Variants in PAN3 observed in about 807,000 individuals in gnomAD.
PAN3 encodes PAN2-PAN3 deadenylation complex subunit PAN3.
In PAN3, 19 loss-of-function variants were observed where a neutral mutation model predicts 96.2. The ratio of observed to expected loss-of-function variants is 0.20; its 90% CI spans 0.14 to 0.29. The LOEUF (loss-of-function observed/expected upper bound fraction) is 0.29, where lower values mean the gene tolerates loss of function less well. PAN3 is among the 10% of genes least tolerant of loss of function. PAN3 has a pLI of 1.00. For synonymous variants in PAN3, 433 were observed against 406.6 expected, an observed-to-expected ratio of 1.06 and a Z score of -0.78; for missense variants, 882 against 1,108.1, an observed-to-expected ratio of 0.80 and a Z score of 2.90.
intron 9 of PAN3, among the ~76,000 whole-genome samples, chr13:28,264,117 A>G (rs1593593990): frequency 6.6e-6 from 1 of 152,228 alleles, no homozygotes; most frequent in East Asian, 1.9e-4. Flanking sequence ...CCTTAGAAGA[A>G]ATACTTCAAG....
At position 28,260,524 on chromosome 13, in the gene PAN3, C is replaced by T. The variant is rs764424381; in HGVS notation, c.1326C>T (p.Ser442=). The T allele has an allele frequency of 4.3e-6, 7 of 1,612,782 alleles. No homozygotes were observed. Among genetic ancestry groups the T allele is most frequent in the South Asian group, 3.3e-5 (3 of 91,056 alleles). ...AYMQPKANAP[S]FFMADELRQE... is the part of the protein sequence containing the mutation. Reference sequence around the variant, plus strand: ...TGCAACCGAAAGCAAACGCACCTTCCTTCTTCATGGCTGATGAACTCCGAC... The same window carrying T: ...TGCAACCGAAAGCAAACGCACCTTCTTTCTTCATGGCTGATGAACTCCGAC... Residue 442 remains serine, a synonymous_variant, in exon 8 of 19, where the codon TCC becomes TCT. Coordinates refer to ENST00000380958, the MANE Select transcript of PAN3 (RefSeq NM_175854.8).
intron 1 of PAN3, among the ~76,000 whole-genome samples, chr13:28,171,959 G>A (rs534458849): frequency 3.9e-5 from 6 of 152,188 alleles, no homozygotes; most frequent in African/African-American, 1.4e-4. Flanking sequence ...AATTCCGAGG[G>A]ATTTAGGAGG....
At position 28,202,997 on chromosome 13, in the gene PAN3, C is replaced by G. The variant is rs367872989; in HGVS notation, c.852+5651C>G. On this transcript the variant is annotated intron_variant, in intron 5 of 18. Coordinates refer to ENST00000380958, the MANE Select transcript of PAN3 (RefSeq NM_175854.8). ...TTTTCCCCCCAGACAGGGTCTCACT[C>G]TGTTGCCCAGGCTGGAGTGCAGTGG... is the stretch of plus-strand genomic sequence containing the variant. Among the ~76,000 whole-genome samples, 117 of 152,180 alleles carry G rather than the reference C, an allele frequency of 7.7e-4. 2 individuals are homozygous for G. In the East Asian group the frequency reaches 0.021, roughly 28 times the overall value.
Position 28,293,397 on chromosome 13 carries a change from T to TTTTTG in PAN3, c.*879_*880insGTTTT, listed in dbSNP as rs1869997614. On this transcript the variant is annotated 3_prime_UTR_variant, in exon 19 of 19. Transcript: ENST00000380958. ...CTTTCCAGTTTGCTGGTTTTTTTTT[T>TTTTTG]TTTTTTTTTTTTTTTTTTTGGGCGG... The TTTTTG allele has an allele frequency of 7.3e-6, 1 of 136,232 alleles. No homozygotes were observed. The highest frequency in any genetic ancestry group is 1.6e-5 in the Non-Finnish European group (1 of 64,376). The allele number at this position is 136,232 out of a possible 1,614,324, so 8.4% of individuals were successfully genotyped here.
intron 7 of PAN3, among the ~76,000 whole-genome samples, chr13:28,257,277 C>A (rs750121351): frequency 2.0e-5 from 3 of 151,658 alleles, no homozygotes; most frequent in Non-Finnish European, 4.4e-5. Context: ...AGTCAGGGGG[C>A]GAGAATGAAT....
At chr13:28,239,439 C>T (rs1883440224) in intron 6 of PAN3, 1 of 358,626 alleles carries the variant, frequency 2.8e-6, no homozygotes, top group South Asian at 2.2e-5. Flanking sequence ...ATATAGATGC[C>T]TTTGGTTCAT....
At chr13:28,140,544 T>C (rs1869608341) in intron 1 of PAN3, among the ~76,000 whole-genome samples, 1 of 152,124 alleles carries the variant, frequency 6.6e-6, no homozygotes, top group Non-Finnish European at 1.5e-5. Context: ...CCCCGGGGTT[T>C]TGCTTTCTTG....
At chr13:28,171,645 A>G (rs112497157) in intron 1 of PAN3, among the ~76,000 whole-genome samples, 223 of 152,334 alleles carry the variant, frequency 1.5e-3, no homozygotes, top group African/African-American at 5.1e-3. Context: ...ATGAAAAGGT[A>G]GAACAAGGAT....
chr13:28,289,835 T>C (rs1437043891), intron 18 of PAN3, among the ~76,000 whole-genome samples: 1 of 152,116 alleles, frequency 6.6e-6, no homozygotes, highest in East Asian at 1.9e-4. Context: ...TGAGCCGAGA[T>C]TGGGCCACTG....
intron 6 of PAN3, among the ~76,000 whole-genome samples, chr13:28,251,907 A>T (rs1884760401): frequency 1.4e-5 from 2 of 144,976 alleles, no homozygotes; most frequent in Admixed American, 1.4e-4. Context: ...TTTGGTTTTG[A>T]GACAGAGTTT....
intron 1 of PAN3, among the ~76,000 whole-genome samples, chr13:28,158,493 CA>C (rs1872502966): frequency 6.6e-6 from 1 of 151,856 alleles, no homozygotes; most frequent in Non-Finnish European, 1.5e-5. Context: ...AATTAACAAG[CA>C]AAAAACAACT....
chr13:28,236,529 T>C (rs897916053), intron 6 of PAN3, among the ~76,000 whole-genome samples: 4 of 152,240 alleles, frequency 2.6e-5, no homozygotes, highest in Non-Finnish European at 4.4e-5. Flanking sequence ...GAAAAAACTT[T>C]CATGGAAGAA....
rs79215317 is a variant in PAN3, at chr13:28,284,531, G to T, written c.2384+3152G>T. Among the ~76,000 whole-genome samples, 1,046 of 152,106 alleles carry T rather than the reference G, an allele frequency of 6.9e-3. 11 individuals carry two copies. Among genetic ancestry groups the T allele is most frequent in the African/African-American group, 0.024 (1,008 of 41,492 alleles). On this transcript the variant is annotated intron_variant, in intron 17 of 18. Transcript: ENST00000380958. The stretch of plus-strand genomic sequence containing the variant: ...AAGATTATGAAGGAACTATTTCATG[G>T]TTTTTTCCAGAACATTTGTGGTTTC...
At chr13:28,194,464 A>T (rs1351323715) in intron 4 of PAN3, among the ~76,000 whole-genome samples, 55 of 106,656 alleles carry the variant, frequency 5.2e-4, no homozygotes, top group African/African-American at 1.8e-3. Flanking sequence ...ATATATATAT[A>T]TATTTTTTTT....
intron 6 of PAN3, among the ~76,000 whole-genome samples, chr13:28,223,669 AT>A (rs1566202417): frequency 6.6e-6 from 1 of 151,764 alleles, no homozygotes. Flanking sequence ...AGAACCACTG[AT>A]TTAACACAAC....
chr13:28,267,057 C>A, intron 10 of PAN3, 38 bp from the exon 11 acceptor site: 1 of 1,527,468 alleles, frequency 6.5e-7, no homozygotes, highest in South Asian at 1.2e-5. Context: ...AAGGAGACGT[C>A]AATTAGAGTT....
intron 12 of PAN3, among the ~76,000 whole-genome samples, chr13:28,268,103 A>G (rs1886336368): frequency 6.6e-6 from 1 of 152,134 alleles, no homozygotes; most frequent in Non-Finnish European, 1.5e-5. Context: ...GACTTGGAAA[A>G]TTCAATAGCT....
chr13:28,151,246 T>G (rs1014093951), intron 1 of PAN3, among the ~76,000 whole-genome samples: 1 of 152,184 alleles, frequency 6.6e-6, no homozygotes. Context: ...CCAGGTGTTG[T>G]GGCTCATGCC....
intron 6 of PAN3, among the ~76,000 whole-genome samples, chr13:28,250,201 CT>C (rs532825277): frequency 2.3e-3 from 330 of 142,754 alleles, no homozygotes; most frequent in Middle Eastern, 7.1e-3. Context: ...GCTCAGAACT[CT>C]TTTTTTTTTT....
Sources: allele counts gnomAD v4.1 joint callset (sites outside exome capture counted in the v4.1 genomes callset), GRCh38; gene constraint gnomAD v4.1.1; transcripts MANE v1.5; gene names NCBI Gene and HGNC (gene_info 2026-07-23, HGNC 2026-07-21).